TMEM232: variants seen among roughly 807,000 people sequenced by gnomAD.
TMEM232 encodes the protein transmembrane protein 232.
In TMEM232, 80 loss-of-function variants were observed where a neutral mutation model predicts 78.8. The observed-to-expected ratio is 1.01, with a 90% confidence interval of 0.85 to 1.22. The LOEUF is 1.22. TMEM232 is among the 50% of genes most tolerant of loss of function. The pLI is 0.00. For missense variants in TMEM232, 881 were observed against 742.2 expected, an observed-to-expected ratio of 1.19 and a Z score of -2.17; for synonymous variants, 297 against 254.3, an observed-to-expected ratio of 1.17 and a Z score of -1.60.
At position 110,640,962 on chromosome 5, in the gene TMEM232, C is replaced by T. The variant is rs2150015272; in HGVS notation, c.272G>A (p.Arg91Lys). 4.6e-6 allele frequency: 7 copies of T among 1,537,518 alleles called. No homozygotes were observed. The highest frequency in any genetic ancestry group is 2.0e-5 in the Admixed American group (1 of 49,590). Residue 91 changes from arginine to lysine, a missense_variant, in exon 4 of 14, where the codon AGG becomes AAG. Physicochemically the swap from Arg to Lys is conservative, Grantham distance 26. Coordinates refer to ENST00000455884, the MANE Select transcript of TMEM232 (RefSeq NM_001039763.4). ...KLGLKTLGSG[R>K]HVHLPAAWTE... is the part of the protein sequence containing the mutation. ...CCATGCAGCAGGAAGATGCACATGC[C>T]TTCCAGAGCCCAGGGTTTTGAGACC...
intron 11 of TMEM232, among the ~76,000 whole-genome samples, chr5:110,537,145 C>T (rs758797543): frequency 3.4e-4 from 51 of 152,122 alleles, no homozygotes; most frequent in Non-Finnish European, 6.2e-4. Flanking sequence ...TTCCAGACCA[C>T]TATGGGCAAC....
intron 5 of TMEM232, among the ~76,000 whole-genome samples, chr5:110,633,575 T>G (rs1437550317): frequency 6.6e-6 from 1 of 152,156 alleles, no homozygotes; most frequent in Non-Finnish European, 1.5e-5. Context: ...GAGTGAGTTC[T>G]CATGACATCT....
At chr5:110,474,401 T>TC (rs1763018832) in intron 12 of TMEM232, among the ~76,000 whole-genome samples, 2 of 151,942 alleles carry the variant, frequency 1.3e-5, no homozygotes, top group African/African-American at 2.4e-5. Flanking sequence ...GTTTTTAAAC[T>TC]CCAATTCTCA....
intron 1 of TMEM232, among the ~76,000 whole-genome samples, chr5:110,704,676 TG>T (rs1474683221): frequency 5.9e-5 from 9 of 152,088 alleles, no homozygotes; most frequent in Non-Finnish European, 4.4e-5. Context: ...GTCAAGTTTT[TG>T]TAACTAGCCC....
upstream of TMEM232, among the ~76,000 whole-genome samples, chr5:110,731,656 G>A (rs561381033): frequency 5.6e-4 from 85 of 152,360 alleles, no homozygotes; most frequent in Admixed American, 2.2e-3. Context: ...GGCCGGAGCA[G>A]CTGGGACACA....
chr5:110,610,240 A>AAGGG (rs143271786), intron 8 of TMEM232, among the ~76,000 whole-genome samples: 7 of 70,174 alleles, frequency 1.0e-4, no homozygotes, highest in East Asian at 5.4e-4. Flanking sequence ...AAAAGAAAGG[A>AAGGG]AGGAAGGGAG....
chr5:110,606,375 A>G (rs755552440), intron 8 of TMEM232, 88 bp from the exon 9 acceptor site: 9 of 1,295,722 alleles, frequency 6.9e-6, no homozygotes, highest in Non-Finnish European at 9.3e-6. Context: ...GAAATAGGTC[A>G]GAGGAAATGC....
chr5:110,557,652 G>A (rs1434708538), intron 11 of TMEM232, among the ~76,000 whole-genome samples: 2 of 152,096 alleles, frequency 1.3e-5, no homozygotes, highest in Non-Finnish European at 2.9e-5. Flanking sequence ...GGAGAAGGAG[G>A]AAGAGAGAAA....
intron 8 of TMEM232, among the ~76,000 whole-genome samples, chr5:110,608,959 A>G (rs191475727): frequency 2.0e-5 from 3 of 152,182 alleles, no homozygotes; most frequent in African/African-American, 7.2e-5. Flanking sequence ...ATTTGCTCTA[A>G]TTTTGTAAAT....
chr5:110,644,656 A>G (rs1787220432), intron 2 of TMEM232, among the ~76,000 whole-genome samples: 1 of 151,778 alleles, frequency 6.6e-6, no homozygotes, highest in Non-Finnish European at 1.5e-5. Flanking sequence ...TACTCACATT[A>G]CATGAAGAAA....
intron 12 of TMEM232, among the ~76,000 whole-genome samples, chr5:110,497,168 C>T (rs1039971885): frequency 1.3e-5 from 2 of 151,896 alleles, no homozygotes; most frequent in Admixed American, 1.3e-4. Context: ...ATGAGCAATA[C>T]CAACCATACA....
At chr5:110,387,748 A>G (rs758994981) in intron 5 of TMEM232, 1 of 152,216 alleles carries the variant, frequency 6.6e-6, no homozygotes, top group Non-Finnish European at 1.5e-5. Flanking sequence ...ATTGTACAGC[A>G]TACTGTGGTC....
intron 1 of TMEM232, among the ~76,000 whole-genome samples, chr5:110,709,876 G>T (rs76343600): frequency 0.038 from 5,782 of 151,798 alleles, 271 homozygotes; most frequent in East Asian, 0.22. Context: ...GAAAAGAAAT[G>T]AGACATGCTG....
chr5:110,430,063 G>A (rs569835956), intron 12 of TMEM232: 1 of 151,406 alleles, frequency 6.6e-6, no homozygotes, highest in Non-Finnish European at 1.5e-5. Flanking sequence ...ACCTCAATCT[G>A]GAATATGTGG....
At chr5:110,593,497 T>A (rs1488544124) in intron 10 of TMEM232, among the ~76,000 whole-genome samples, 1 of 152,184 alleles carries the variant, frequency 6.6e-6, no homozygotes, top group Non-Finnish European at 1.5e-5. Flanking sequence ...TGTAAAAAAT[T>A]ATGAGACTCT....
intron 1 of TMEM232, among the ~76,000 whole-genome samples, chr5:110,716,171 C>G (rs989287223): frequency 6.6e-6 from 1 of 152,014 alleles, no homozygotes; most frequent in East Asian, 1.9e-4. Flanking sequence ...GTGTCATGGG[C>G]CATGGGTACT....
At chr5:110,526,560 C>T (rs1355166307) in intron 12 of TMEM232, among the ~76,000 whole-genome samples, 2 of 151,898 alleles carry the variant, frequency 1.3e-5, no homozygotes, top group African/African-American at 2.4e-5. Context: ...CAACACCCTC[C>T]GTTGGGAAGA....
At chr5:110,645,883 C>T (rs79513541) in intron 2 of TMEM232, among the ~76,000 whole-genome samples, 2,918 of 151,536 alleles carry the variant, frequency 0.019, 79 homozygotes, top group African/African-American at 0.068. Flanking sequence ...AAAAAGGGAA[C>T]ATACAATAAT....
At chr5:110,727,807 C>A (rs561188859), upstream of TMEM232, among the ~76,000 whole-genome samples, 2 of 152,002 alleles carry the variant, frequency 1.3e-5, no homozygotes, top group African/African-American at 4.8e-5. Context: ...CGTATCACTC[C>A]TAGAAGATCA....
Sources: gnomAD v4.1 joint callset for allele counts (sites outside exome capture counted in the v4.1 genomes callset) on GRCh38, gnomAD v4.1.1 for gene constraint, MANE v1.5 for transcripts, NCBI Gene and HGNC (gene_info 2026-07-23, HGNC 2026-07-21) for gene names.